PDZRN4: variants seen among roughly 807,000 people sequenced by gnomAD.
PDZRN4 encodes PDZ domain-containing RING finger protein 4.
Under a neutral mutation model 99.0 loss-of-function variants are expected in PDZRN4, and 70 were observed. The observed-to-expected ratio is 0.71, with a 90% confidence interval of 0.58 to 0.86. The LOEUF (loss-of-function observed/expected upper bound fraction) is 0.86. PDZRN4 is among the 40% of genes least tolerant of loss of function. The probability of loss-of-function intolerance (pLI) is 0.00; values close to 1 mark genes in which losing one functional copy is unlikely to be tolerated. For synonymous variants in PDZRN4, 551 were observed against 501.6 expected, an observed-to-expected ratio of 1.10 and a Z score of -1.32; for missense variants, 1,474 against 1,331.2, an observed-to-expected ratio of 1.11 and a Z score of -1.67.
intron 3 of PDZRN4, among the ~76,000 whole-genome samples, chr12:41,316,614 G>T (rs1951639851): frequency 6.6e-6 from 1 of 151,774 alleles, no homozygotes; most frequent in Non-Finnish European, 1.5e-5. Flanking sequence ...TCCAATACAT[G>T]GCATCAATAG....
chr12:41,223,924 A>C (rs2120731898), intron 3 of PDZRN4, among the ~76,000 whole-genome samples: 1 of 152,358 alleles, frequency 6.6e-6, no homozygotes, highest in South Asian at 2.1e-4. Flanking sequence ...ACAGAATCTT[A>C]GTGGAGAAAA....
intron 3 of PDZRN4, among the ~76,000 whole-genome samples, chr12:41,440,337 A>C (rs1191352028): frequency 1.3e-5 from 2 of 152,170 alleles, no homozygotes; most frequent in African/African-American, 2.4e-5. Context: ...ATCACGAAAC[A>C]TATGATCAAC....
At chr12:41,452,722 G>A (rs936755175) in intron 3 of PDZRN4, among the ~76,000 whole-genome samples, 4 of 152,044 alleles carry the variant, frequency 2.6e-5, no homozygotes, top group African/African-American at 9.7e-5. Context: ...AAAACACCTC[G>A]TCTGTGTAAG....
At chr12:41,545,673 C>T in intron 5 of PDZRN4, among the ~76,000 whole-genome samples, 1 of 151,986 alleles carries the variant, frequency 6.6e-6, no homozygotes. Flanking sequence ...TGAATGGAGG[C>T]ACTCAACTTT....
intron 3 of PDZRN4, among the ~76,000 whole-genome samples, chr12:41,311,237 G>A (rs1951604624): frequency 6.6e-6 from 1 of 151,128 alleles, no homozygotes. Flanking sequence ...AAATATATAT[G>A]TTAGGTATGA....
At chr12:41,460,698 C>T (rs530549858) in intron 3 of PDZRN4, among the ~76,000 whole-genome samples, 10 of 152,064 alleles carry the variant, frequency 6.6e-5, no homozygotes, top group Non-Finnish European at 1.3e-4. Flanking sequence ...ACCATATATA[C>T]GTAGATGTAA....
chr12:41,383,441 A>G (rs1033919637), intron 3 of PDZRN4, among the ~76,000 whole-genome samples: 9 of 152,258 alleles, frequency 5.9e-5, no homozygotes, highest in African/African-American at 1.9e-4. Flanking sequence ...ACCAACTTAA[A>G]TAAAAATGTA....
At chr12:41,249,678 C>A (rs539989877) in intron 3 of PDZRN4, among the ~76,000 whole-genome samples, 1 of 152,268 alleles carries the variant, frequency 6.6e-6, no homozygotes, top group East Asian at 1.9e-4. Flanking sequence ...TATCATCATC[C>A]AAGAGTGCTT....
intron 3 of PDZRN4, among the ~76,000 whole-genome samples, chr12:41,491,783 A>T (rs1055611470): frequency 6.6e-6 from 1 of 152,198 alleles, no homozygotes; most frequent in Non-Finnish European, 1.5e-5. Flanking sequence ...TGAATACATT[A>T]TCATGTATTA....
chr12:41,215,794 G>A (rs891526474), intron 3 of PDZRN4, among the ~76,000 whole-genome samples: 2 of 150,510 alleles, frequency 1.3e-5, no homozygotes, highest in African/African-American at 4.9e-5. Context: ...TAAATTCAGT[G>A]CTTTGAGTCT....
intron 3 of PDZRN4, among the ~76,000 whole-genome samples, chr12:41,383,780 A>C (rs1952143323): frequency 6.6e-6 from 1 of 152,212 alleles, no homozygotes; most frequent in African/African-American, 2.4e-5. Flanking sequence ...TAGAAGACTA[A>C]TGCAGACACC....
chr12:41,204,579 C>T (rs1359008466), intron 3 of PDZRN4, among the ~76,000 whole-genome samples: 2 of 151,990 alleles, frequency 1.3e-5, no homozygotes, highest in African/African-American at 4.8e-5. Context: ...GTACCTTCTT[C>T]ACAAGGCAGC....
intron 3 of PDZRN4, among the ~76,000 whole-genome samples, chr12:41,254,244 T>G (rs1212258220): frequency 6.6e-6 from 1 of 152,178 alleles, no homozygotes; most frequent in African/African-American, 2.4e-5. Flanking sequence ...AGCCACAGTT[T>G]GTTATTTAGC....
At position 41,215,138 on chromosome 12, in the gene PDZRN4, T is replaced by A. The variant is rs112500556; in HGVS notation, c.843+20950T>A. Among the ~76,000 whole-genome samples, 1,224 of 152,174 alleles carry A rather than the reference T, an allele frequency of 8.0e-3. 9 individuals carry two copies. The highest frequency in any genetic ancestry group is 0.024 in the South Asian group (115 of 4,820). ...GCTTTCCTGACCAAAATGTTCCACATCTCACCAATTACCTGGCTTGAATTT... is the reference window on the plus strand; with the variant it reads ...GCTTTCCTGACCAAAATGTTCCACAACTCACCAATTACCTGGCTTGAATTT... On this transcript the variant is annotated intron_variant, in intron 3 of 9. Transcript: ENST00000402685.
intron 1 of PDZRN4, 58 bp downstream of exon 1, chr12:41,189,161 GTTCT>G: frequency 6.7e-7 from 1 of 1,498,434 alleles, no homozygotes; most frequent in Admixed American, 1.9e-5. Flanking sequence ...AAAAGGAGCG[GTTCT>G]TTCTGACGCT....
At position 41,321,853 on chromosome 12, in the gene PDZRN4, A is replaced by G. The variant is rs1592011152; in HGVS notation, c.843+127665A>G. On this transcript the variant is annotated intron_variant, in intron 3 of 9. Coordinates refer to ENST00000402685, the MANE Select transcript of PDZRN4 (RefSeq NM_001164595.2). ...GGAATTATTATAACTTTCTAATTTGAATAATTATATTGGGATTTACGGTTG... is the reference window on the plus strand; with the variant it reads ...GGAATTATTATAACTTTCTAATTTGGATAATTATATTGGGATTTACGGTTG... Among the ~76,000 whole-genome samples the G allele has an allele frequency of 2.0e-5, 3 of 152,254 alleles. No homozygotes were observed. In the South Asian group the frequency reaches 6.2e-4, roughly 32 times the overall value.
chr12:41,230,429 G>A (rs1326476471), intron 3 of PDZRN4, among the ~76,000 whole-genome samples: 1 of 151,942 alleles, frequency 6.6e-6, no homozygotes, highest in Non-Finnish European at 1.5e-5. Context: ...TGCGTCTTCT[G>A]TTAAAATACA....
At chr12:41,198,638 A>G (rs542980362) in intron 3 of PDZRN4, among the ~76,000 whole-genome samples, 2 of 149,820 alleles carry the variant, frequency 1.3e-5, no homozygotes, top group South Asian at 4.3e-4. Flanking sequence ...GAGGGATAGC[A>G]TTAGGAGATA....
At chr12:41,433,413 T>C (rs752899908) in intron 3 of PDZRN4, among the ~76,000 whole-genome samples, 7 of 152,180 alleles carry the variant, frequency 4.6e-5, no homozygotes, top group Non-Finnish European at 7.3e-5. Context: ...AGGTTCTTTG[T>C]CTTTATGATT....
Sources: allele counts gnomAD v4.1 joint callset (sites outside exome capture counted in the v4.1 genomes callset), GRCh38; gene constraint gnomAD v4.1.1; transcripts MANE v1.5; gene names NCBI Gene and HGNC (gene_info 2026-07-23, HGNC 2026-07-21).